SLC35F4: variants seen among roughly 807,000 people sequenced by gnomAD.
SLC35F4 encodes the protein solute carrier family 35 member F4, also known as chromosome 14 open reading frame 36.
In SLC35F4, 24 loss-of-function variants were observed where a neutral mutation model predicts 44.2. The ratio of observed to expected loss-of-function variants is 0.54; its 90% CI spans 0.39 to 0.76. SLC35F4 has a LOEUF of 0.76. SLC35F4 is among the 30% of genes least tolerant of loss of function. SLC35F4 has a pLI of 0.00. For synonymous variants in SLC35F4, 238 were observed against 223.6 expected (o/e 1.06, Z -0.57); for missense variants, 562 against 586.1 (o/e 0.96, Z 0.42).
chr14:57,645,303 G>C (rs570720063), intron 1 of SLC35F4, among the ~76,000 whole-genome samples: 1 of 152,302 alleles, frequency 6.6e-6, no homozygotes, highest in South Asian at 2.1e-4. Flanking sequence ...TCATTGAGCA[G>C]TGGTTTGTAG....
chr14:57,716,968 G>A lies in SLC35F4; in HGVS notation c.104-122844C>T, dbSNP rs1275412949. Among the ~76,000 whole-genome samples, 3 of 152,230 alleles carry A rather than the reference G, an allele frequency of 2.0e-5. No homozygotes were observed. In the East Asian group the frequency reaches 5.8e-4, roughly 29 times the overall value. Reference sequence around the variant, plus strand: ...CTTCCACATATGAGTGAGAATATGTGATATTTGTCTTTCTATGCTTGTCTT... The same window carrying A: ...CTTCCACATATGAGTGAGAATATGTAATATTTGTCTTTCTATGCTTGTCTT... On this transcript the variant is annotated intron_variant, in intron 1 of 7. Transcript: ENST00000556826.
At chr14:57,829,322 C>A (rs1268901350) in intron 1 of SLC35F4, among the ~76,000 whole-genome samples, 1 of 152,074 alleles carries the variant, frequency 6.6e-6, no homozygotes, top group Non-Finnish European at 1.5e-5. Flanking sequence ...AGGTCTGGGT[C>A]GTGGGGGAAG....
chr14:57,840,642 A>G (rs1009110670), intron 1 of SLC35F4, among the ~76,000 whole-genome samples: 1 of 152,214 alleles, frequency 6.6e-6, no homozygotes, highest in African/African-American at 2.4e-5. Flanking sequence ...AAGGTTAACC[A>G]TCAGACCACC....
At chr14:57,726,098 C>A (rs994243501) in intron 1 of SLC35F4, among the ~76,000 whole-genome samples, 1 of 152,090 alleles carries the variant, frequency 6.6e-6, no homozygotes, top group African/African-American at 2.4e-5. Context: ...GGGTGATTGA[C>A]CCAGACTATC....
chr14:57,648,051 T>C (rs2073618336), intron 1 of SLC35F4, among the ~76,000 whole-genome samples: 1 of 152,236 alleles, frequency 6.6e-6, no homozygotes, highest in Non-Finnish European at 1.5e-5. Context: ...AATGTCTTTT[T>C]AGTGTTTTCA....
At chr14:57,600,689 C>T (rs2070766265) in intron 1 of SLC35F4, among the ~76,000 whole-genome samples, 1 of 17,404 alleles carries the variant, frequency 5.7e-5, no homozygotes, top group African/African-American at 2.0e-4. Context: ...AAGACTCCAT[C>T]TCAAAAAAAA....
At chr14:57,797,654 A>G (rs2078085895) in intron 1 of SLC35F4, among the ~76,000 whole-genome samples, 1 of 152,202 alleles carries the variant, frequency 6.6e-6, no homozygotes, top group African/African-American at 2.4e-5. Flanking sequence ...GTCCATGATG[A>G]AAAAGGCATT....
intron 1 of SLC35F4, among the ~76,000 whole-genome samples, chr14:57,640,953 A>G (rs1206039474): frequency 1.3e-5 from 2 of 152,036 alleles, no homozygotes; most frequent in African/African-American, 4.8e-5. Flanking sequence ...TATATGAACT[A>G]TAAATTAATC....
At chr14:57,974,616 A>C (rs1188320038), downstream of SLC35F4, among the ~76,000 whole-genome samples, 1 of 152,214 alleles carries the variant, frequency 6.6e-6, no homozygotes, top group Admixed American at 6.5e-5. Context: ...ACAGAGCTTC[A>C]GAATGGGCAG....
At chr14:57,570,592 A>G (rs1248029262) in intron 5 of SLC35F4, among the ~76,000 whole-genome samples, 1 of 152,230 alleles carries the variant, frequency 6.6e-6, no homozygotes, top group East Asian at 1.9e-4. Flanking sequence ...ATCACACAAC[A>G]GATTACAGAG....
At position 57,581,314 on chromosome 14, in the gene SLC35F4, T is replaced by C. The variant is rs1292328541; in HGVS notation, c.707A>G (p.Lys236Arg). 7.4e-6 allele frequency: 12 copies of C among 1,613,624 alleles called. No individual in the cohort carries two copies. Among genetic ancestry groups the C allele is most frequent in the Non-Finnish European group, 1.0e-5 (12 of 1,179,810 alleles). ...AGCGGAGACATCCGTGGCCGTCAGC[T>C]TCTTTAAAGCCAGTAAATAAAGGTA... Reference protein sequence around the residue: ...TNYLYLLALKKLTATDVSALF... With the variant: ...TNYLYLLALKRLTATDVSALF... Residue 236 changes from lysine (K) to arginine (R), a missense_variant, in exon 4 of 8, where the codon AAG becomes AGG. Transcript: ENST00000556826.
chr14:57,928,980 C>A (rs1477122613), intron 1 of SLC35F4, among the ~76,000 whole-genome samples: 1 of 152,108 alleles, frequency 6.6e-6, no homozygotes, highest in Non-Finnish European at 1.5e-5. Context: ...GATAGAACAA[C>A]AGAAATGACC....
chr14:57,971,896 T>C (rs916672348), downstream of SLC35F4, among the ~76,000 whole-genome samples: 1 of 152,212 alleles, frequency 6.6e-6, no homozygotes, highest in Non-Finnish European at 1.5e-5. Flanking sequence ...AATGAAATTA[T>C]GATTAAGTGC....
chr14:57,715,163 AG>A (rs1594865701), intron 1 of SLC35F4, among the ~76,000 whole-genome samples: 1 of 152,100 alleles, frequency 6.6e-6, no homozygotes, highest in Non-Finnish European at 1.5e-5. Flanking sequence ...GCAGGGTTAT[AG>A]GGGGAAAAAA....
intron 1 of SLC35F4, among the ~76,000 whole-genome samples, chr14:57,932,869 C>T (rs140785061): frequency 1.3e-5 from 2 of 151,996 alleles, no homozygotes; most frequent in African/African-American, 4.8e-5. Context: ...AAGCTGATCT[C>T]TCTGTGTGTA....
At chr14:57,734,092 G>A (rs189268242) in intron 1 of SLC35F4, among the ~76,000 whole-genome samples, 7 of 152,130 alleles carry the variant, frequency 4.6e-5, no homozygotes, top group Admixed American at 4.6e-4. Flanking sequence ...AAATTGGGGG[G>A]AAAGCTGTCT....
intron 1 of SLC35F4, among the ~76,000 whole-genome samples, chr14:57,693,300 A>C (rs1260933125): frequency 6.6e-6 from 1 of 152,236 alleles, no homozygotes; most frequent in African/African-American, 2.4e-5. Flanking sequence ...ATAGGCCCCC[A>C]AAATCTGGCC....
chr14:57,816,946 C>T (rs1455770421), intron 1 of SLC35F4, among the ~76,000 whole-genome samples: 1 of 152,174 alleles, frequency 6.6e-6, no homozygotes, highest in Non-Finnish European at 1.5e-5. Context: ...CATGGAATCA[C>T]CTCTTAACTA....
chr14:57,625,448 C>G (rs1421854110), intron 1 of SLC35F4, among the ~76,000 whole-genome samples: 1 of 152,110 alleles, frequency 6.6e-6, no homozygotes, highest in Admixed American at 6.6e-5. Flanking sequence ...TTGGAAAAAA[C>G]TACTTTATAT....
Sources: gnomAD v4.1 joint callset for allele counts (sites outside exome capture counted in the v4.1 genomes callset) on GRCh38, gnomAD v4.1.1 for gene constraint, MANE v1.5 for transcripts, NCBI Gene and HGNC (gene_info 2026-07-23, HGNC 2026-07-21) for gene names.